Variants in RAP1GDS1 observed in about 807,000 individuals in gnomAD.
RAP1GDS1 encodes the protein RAP1, GTP-GDP dissociation stimulator 1.
A neutral mutation model predicts 71.1 loss-of-function variants in RAP1GDS1; 35 were observed. The observed-to-expected ratio is 0.49, with a 90% CI of 0.38 to 0.65. The LOEUF is 0.65. Among genes scored for constraint, RAP1GDS1 ranks in the 30% least tolerant of loss-of-function variants. RAP1GDS1 has a pLI of 0.00. For synonymous variants in RAP1GDS1, 229 were observed against 243.1 expected (o/e 0.94, Z 0.54); for missense variants, 663 against 706.1 (o/e 0.94, Z 0.69).
At chr4:98,307,674 G>A (rs755820911) in intron 2 of RAP1GDS1, among the ~76,000 whole-genome samples, 1 of 152,036 alleles carries the variant, frequency 6.6e-6, no homozygotes, top group Non-Finnish European at 1.5e-5. Context: ...AGTGATTATT[G>A]TTAGAGATTA....
At chr4:98,382,019 A>G (rs1350052742) in intron 5 of RAP1GDS1, among the ~76,000 whole-genome samples, 1 of 151,600 alleles carries the variant, frequency 6.6e-6, no homozygotes, top group Non-Finnish European at 1.5e-5. Flanking sequence ...AAGGAATAAA[A>G]CAAGTTTCCT....
chr4:98,345,953 T>C (rs1317354846), intron 3 of RAP1GDS1, among the ~76,000 whole-genome samples: 1 of 152,172 alleles, frequency 6.6e-6, no homozygotes, highest in South Asian at 2.1e-4. Context: ...AAAGTTGAAC[T>C]GCTTTATGTC....
intron 14 of RAP1GDS1, among the ~76,000 whole-genome samples, chr4:98,440,406 T>G: frequency 6.6e-6 from 1 of 152,314 alleles, no homozygotes; most frequent in Non-Finnish European, 1.5e-5. Flanking sequence ...TAAATACTGT[T>G]TTTACTAATT....
intron 5 of RAP1GDS1, among the ~76,000 whole-genome samples, chr4:98,390,593 A>C (rs1051852123): frequency 2.6e-5 from 4 of 152,124 alleles, no homozygotes; most frequent in African/African-American, 9.7e-5. Context: ...TCTGTTGACT[A>C]TCTCCTCATA....
intron 2 of RAP1GDS1, among the ~76,000 whole-genome samples, chr4:98,314,246 A>G (rs1380584995): frequency 1.3e-5 from 2 of 152,180 alleles, no homozygotes; most frequent in African/African-American, 4.8e-5. Context: ...CTTATGAAAA[A>G]ACTATAATCC....
chr4:98,439,896 A>T (rs1751667397), intron 14 of RAP1GDS1, among the ~76,000 whole-genome samples: 1 of 152,206 alleles, frequency 6.6e-6, no homozygotes, highest in African/African-American at 2.4e-5. Context: ...GGCATTAAGG[A>T]CATTCACATT....
At chr4:98,285,135 A>T (rs555725128) in intron 1 of RAP1GDS1, among the ~76,000 whole-genome samples, 1 of 152,230 alleles carries the variant, frequency 6.6e-6, no homozygotes, top group African/African-American at 2.4e-5. Flanking sequence ...TATATAAAAC[A>T]CTGAAAAGAT....
At chr4:98,421,597 ATTG>A (rs775297916) in intron 12 of RAP1GDS1, among the ~76,000 whole-genome samples, 7 of 152,168 alleles carry the variant, frequency 4.6e-5, no homozygotes, top group Non-Finnish European at 8.8e-5. Flanking sequence ...TGCTGCTGCT[ATTG>A]TTGTTATTAC....
chr4:98,300,743 AAAAC>A (rs879265818), intron 2 of RAP1GDS1, among the ~76,000 whole-genome samples: 19 of 152,180 alleles, frequency 1.2e-4, no homozygotes, highest in Admixed American at 7.2e-4. Context: ...CAAAAAACAA[AAAAC>A]AAACAAACAA....
rs543199019 is a variant in RAP1GDS1, at chr4:98,443,015, A to ATTTTTTTTTC, written c.*907_*908insCTTTTTTTTT. 7.7e-4 allele frequency: 106 copies of ATTTTTTTTTC among 138,296 alleles called. No individual in the cohort carries two copies. Among genetic ancestry groups the ATTTTTTTTTC allele is most frequent in the African/African-American group, 2.6e-3 (65 of 25,342 alleles). 8.6% of individuals were successfully genotyped at this position (138,296 alleles called of 1,614,324 possible). On this transcript the variant is annotated 3_prime_UTR_variant, in exon 15 of 15. Coordinates refer to ENST00000408927, the MANE Select transcript of RAP1GDS1 (RefSeq NM_001100427.2). ...TGAGTATAGTTCATTGAAGAATGGA[A>ATTTTTTTTTC]TTTTTTTTTTTTTTTTTTTTTTTGC...
chr4:98,436,887 ATCCTGAG>A, intron 13 of RAP1GDS1, 46 bp from the exon 14 acceptor site: 1 of 1,468,368 alleles, frequency 6.8e-7, no homozygotes. Flanking sequence ...AGCAGTGTTT[ATCCTGAG>A]GATACTGGGT....
chr4:98,362,773 G>T (rs1213929848), intron 4 of RAP1GDS1, among the ~76,000 whole-genome samples: 1 of 152,130 alleles, frequency 6.6e-6, no homozygotes, highest in Admixed American at 6.5e-5. Flanking sequence ...AGTAATGATT[G>T]TACTTACAAA....
chr4:98,277,424 A>G (rs1461501216), intron 1 of RAP1GDS1, among the ~76,000 whole-genome samples: 1 of 152,246 alleles, frequency 6.6e-6, no homozygotes, highest in Non-Finnish European at 1.5e-5. Context: ...TTCAAGATCC[A>G]TGGAACTTTG....
chr4:98,298,929 T>G (rs561837812), intron 2 of RAP1GDS1, among the ~76,000 whole-genome samples: 138 of 152,312 alleles, frequency 9.1e-4, no homozygotes, highest in African/African-American at 3.1e-3. Context: ...TTATTATACT[T>G]TAAGTTCTAG....
In RAP1GDS1 at chr4:98,443,373, G is replaced by T. The variant is rs1203541316; in HGVS notation, c.*1256G>T. 1 of 230,876 alleles carries T rather than the reference G, an allele frequency of 4.3e-6. No homozygotes were observed. The highest frequency in any genetic ancestry group is 2.2e-5 in the African/African-American group (1 of 45,146). The allele number at this position is 230,876 out of a possible 1,614,324, so 14.3% of individuals were successfully genotyped here. On this transcript the variant is annotated 3_prime_UTR_variant, in exon 15 of 15. Coordinates refer to ENST00000408927, the MANE Select transcript of RAP1GDS1 (RefSeq NM_001100427.2). ...TCACTGCCACTGCCACCACCAAATG[G>T]GTTTTTAGAGCTTTGAAACACAATC...
chr4:98,403,369 TGACA>T (rs1466011638), intron 6 of RAP1GDS1, among the ~76,000 whole-genome samples: 1 of 152,180 alleles, frequency 6.6e-6, no homozygotes, highest in African/African-American at 2.4e-5. Flanking sequence ...GGAGGTAGAT[TGACA>T]GACCTTGGTG....
chr4:98,410,994 T>G (rs1746983558), intron 7 of RAP1GDS1, among the ~76,000 whole-genome samples: 1 of 152,232 alleles, frequency 6.6e-6, no homozygotes, highest in African/African-American at 2.4e-5. Flanking sequence ...GTTATTTGCT[T>G]TCTAATAATA....
Position 98,261,512 on chromosome 4 carries a change from C to G in RAP1GDS1, c.-54C>G, listed in dbSNP as rs1301894251. On this transcript the variant is annotated 5_prime_UTR_variant, in exon 1 of 15. Coordinates refer to ENST00000408927, the MANE Select transcript of RAP1GDS1 (RefSeq NM_001100427.2). Reference sequence around the variant, plus strand: ...GAGGGAGGACACAGAGCCGCGCCGCCCGCACCACAGACCTTCGCCTCGCCC... The same window carrying G: ...GAGGGAGGACACAGAGCCGCGCCGCGCGCACCACAGACCTTCGCCTCGCCC... 6.4e-7 allele frequency: 1 copy of G among 1,574,790 alleles called. No individual in the cohort carries two copies. The highest frequency in any genetic ancestry group is 8.6e-7 in the Non-Finnish European group (1 of 1,156,660).
intron 2 of RAP1GDS1, among the ~76,000 whole-genome samples, chr4:98,309,674 G>T (rs1729917687): frequency 6.6e-6 from 1 of 151,866 alleles, no homozygotes; most frequent in African/African-American, 2.4e-5. Context: ...AAATATAGTT[G>T]TCAGAAATAT....
Sources: allele counts gnomAD v4.1 joint callset (sites outside exome capture counted in the v4.1 genomes callset), GRCh38; gene constraint gnomAD v4.1.1; transcripts MANE v1.5; gene names NCBI Gene and HGNC (gene_info 2026-07-23, HGNC 2026-07-21).